CDC23: variants seen among roughly 807,000 people sequenced by gnomAD.
CDC23 encodes cell division cycle 23, also known as cell division cycle protein 23 homolog.
Under a neutral mutation model 81.7 loss-of-function variants are expected in CDC23, and 26 were observed. The observed-to-expected ratio is 0.32, with a 90% CI of 0.23 to 0.44. The LOEUF (loss-of-function observed/expected upper bound fraction) is 0.44. Ranked by LOEUF, CDC23 falls within the 20% of genes least tolerant of loss-of-function variation. The pLI is 1.00. For synonymous variants in CDC23, 267 were observed against 270.8 expected (o/e 0.99, Z 0.14); for missense variants, 519 against 728.0 (o/e 0.71, Z 3.30).
At chr5:138,204,126 T>C (rs1252805791) in intron 3 of CDC23, among the ~76,000 whole-genome samples, 1 of 152,214 alleles carries the variant, frequency 6.6e-6, no homozygotes, top group African/African-American at 2.4e-5. Context: ...AACAATTCCA[T>C]GTGTATGCAC....
At chr5:138,202,476 G>A (rs1434018758) in intron 3 of CDC23, among the ~76,000 whole-genome samples, 6 of 152,244 alleles carry the variant, frequency 3.9e-5, no homozygotes, top group African/African-American at 1.4e-4. Context: ...TTGCGACGAG[G>A]TTTCATCATG....
rs1053428725 is a variant in CDC23, at chr5:138,188,791, T to C, written c.*187A>G. On this transcript the variant is annotated 3_prime_UTR_variant, in exon 16 of 16. Transcript: ENST00000394886. ...GAAGTACTTCTAACTGGCAAGATAA[T>C]GTCTGTTCCTGCCAGGATTCTGTCA... 1.0e-5 allele frequency: 5 copies of C among 495,126 alleles called. No homozygotes were observed. The highest frequency in any genetic ancestry group is 3.3e-5 in the East Asian group (1 of 29,954). The allele number at this position is 495,126 out of a possible 1,614,324, so 30.7% of individuals were successfully genotyped here.
intron 9 of CDC23, among the ~76,000 whole-genome samples, chr5:138,197,802 A>G (rs1010673198): frequency 6.6e-6 from 1 of 152,150 alleles, no homozygotes; most frequent in Non-Finnish European, 1.5e-5. Flanking sequence ...GCCCCTACAC[A>G]TACATTTTTA....
intron 9 of CDC23, 41 bp downstream of exon 9, chr5:138,198,158 T>C (rs367777269): frequency 1.4e-6 from 2 of 1,409,582 alleles, no homozygotes; most frequent in African/African-American, 2.9e-5. Flanking sequence ...TTACTTATAA[T>C]AAATATAAAT....
chr5:138,196,890 C>CTTTT (rs34002952), intron 9 of CDC23, among the ~76,000 whole-genome samples: 6 of 113,418 alleles, frequency 5.3e-5, no homozygotes, highest in Non-Finnish European at 7.1e-5. Flanking sequence ...TTTTTTTTTC[C>CTTTT]TTTTTTTTTT....
At chr5:138,209,758 A>C (rs1755093090) in intron 2 of CDC23, among the ~76,000 whole-genome samples, 1 of 151,494 alleles carries the variant, frequency 6.6e-6, no homozygotes, top group Admixed American at 6.6e-5. Flanking sequence ...CAGGAGCCAG[A>C]GGTTGCAGTG....
In CDC23 at chr5:138,206,449, G is replaced by A. The variant is rs766063353; in HGVS notation, c.372+98C>T. ...TATGTATAAAGTACATTCATTCAGT[G>A]GCCCACTGCTAAGCTATTTAAAAGA... On this transcript the variant is annotated intron_variant, in intron 3 of 15. Transcript: ENST00000394886. The A allele has an allele frequency of 6.1e-6, 7 of 1,153,248 alleles. No homozygotes were observed. In the Admixed American group the frequency reaches 1.0e-4, roughly 17 times the overall value. The allele number at this position is 1,153,248 out of a possible 1,614,324, so 71.4% of individuals were successfully genotyped here.
intron 9 of CDC23, 81 bp downstream of exon 9, chr5:138,198,118 C>T: frequency 2.8e-6 from 3 of 1,067,666 alleles, no homozygotes. Flanking sequence ...CACCACCATC[C>T]CTAGCTAATT....
chr5:138,195,598 TTA>T (rs1283248779), intron 9 of CDC23, among the ~76,000 whole-genome samples: 4 of 77,542 alleles, frequency 5.2e-5, no homozygotes, highest in East Asian at 7.4e-4. Flanking sequence ...ATAATATATA[TTA>T]TATATGATAT....
At chr5:138,199,252 C>T (rs1206390884) in intron 6 of CDC23, among the ~76,000 whole-genome samples, 1 of 152,132 alleles carries the variant, frequency 6.6e-6, no homozygotes, top group Non-Finnish European at 1.5e-5. Context: ...TAGGGAACCA[C>T]TGCAAATATT....
chr5:138,192,052 T>C, intron 11 of CDC23, 115 bp from the exon 12 acceptor site: 1 of 969,300 alleles, frequency 1.0e-6, no homozygotes, highest in African/African-American at 1.6e-5. Flanking sequence ...TTTAACCTGA[T>C]GCTCCATATA....
At chr5:138,212,814 G>A (rs1755129372) in intron 2 of CDC23, among the ~76,000 whole-genome samples, 177 bp downstream of exon 2, 1 of 152,126 alleles carries the variant, frequency 6.6e-6, no homozygotes, top group South Asian at 2.1e-4. Context: ...GTCTTTCAAA[G>A]CTCAAGAAAA....
At position 138,192,581 on chromosome 5, in the gene CDC23, C is replaced by T. The variant is rs752323349; in HGVS notation, c.1089G>A (p.Arg363=). 19 of 1,613,972 alleles carry T rather than the reference C, an allele frequency of 1.2e-5. No homozygotes were observed. In the East Asian group the frequency reaches 4.2e-4, roughly 36 times the overall value. The change falls in exon 10 of 16, where the codon CGG becomes CGA. Residue 363 remains arginine, a synonymous_variant. Coordinates refer to ENST00000394886, the MANE Select transcript of CDC23 (RefSeq NM_004661.4). ...YFQRALKLNP[R]YLGAWTLMGH... ...CCATTAGTGTCCAGGCACCAAGATA[C>T]CGAGGATTTAATTTCAGGGCTCTCT...
At chr5:138,197,847 C>G (rs955619046) in intron 9 of CDC23, among the ~76,000 whole-genome samples, 7 of 152,204 alleles carry the variant, frequency 4.6e-5, no homozygotes, top group African/African-American at 1.4e-4. Flanking sequence ...GAATCATGTT[C>G]ACCAAACAAT....
chr5:138,202,047 T>G lies in CDC23; in HGVS notation c.415+66A>C, dbSNP rs1754995352. ...AGACCATTCATATTACCTGCCTGGC[T>G]GTTGGAGGCATTTAAGTTTGCAACC... On this transcript the variant is annotated intron_variant, in intron 4 of 15. Transcript: ENST00000394886. 4.5e-6 allele frequency: 5 copies of G among 1,101,126 alleles called. No individual in the cohort carries two copies. The East Asian group carries it at 1.2e-4, about 26-fold the overall frequency. The allele number at this position is 1,101,126 out of a possible 1,614,324, so 68.2% of individuals were successfully genotyped here.
rs1223835352 is a variant in CDC23 at position 138,196,872 on chromosome 5, G to A, written c.1012+1327C>T. ...TGGGATTACAGGTGTGAGCCACCGCGCCTGGCCTTTTTTTTTCCTTTTTTT... is the reference window on the plus strand; with the variant it reads ...TGGGATTACAGGTGTGAGCCACCGCACCTGGCCTTTTTTTTTCCTTTTTTT... On this transcript the variant is annotated intron_variant, in intron 9 of 15. Coordinates refer to ENST00000394886, the MANE Select transcript of CDC23 (RefSeq NM_004661.4). Among the ~76,000 whole-genome samples, 44 of 147,900 alleles carry A rather than the reference G, an allele frequency of 3.0e-4. 1 individual carries two copies. Among genetic ancestry groups the A allele is most frequent in the Non-Finnish European group, 1.2e-4 (8 of 67,464 alleles).
At chr5:138,209,162 C>T (rs992557338) in intron 2 of CDC23, among the ~76,000 whole-genome samples, 3 of 151,822 alleles carry the variant, frequency 2.0e-5, no homozygotes, top group Middle Eastern at 6.3e-3. Context: ...TGTGGTGGCT[C>T]ATGCCTGTAA....
Position 138,189,626 on chromosome 5 carries a change from TACTC to T in CDC23, c.1623+3_1623+6del, listed in dbSNP as rs1754803809. 4 of 1,609,698 alleles carry T rather than the reference TACTC, an allele frequency of 2.5e-6. No homozygotes were observed. The highest frequency in any genetic ancestry group is 3.4e-6 in the Non-Finnish European group (4 of 1,177,912). ...TTCAAACCTTTTATTAAAGAACTGA[TACTC>T]ACATCATTAAATGCACAACACTTTT... On this transcript the variant is annotated splice_donor_5th_base_variant and intron_variant, in intron 15 of 15. Transcript: ENST00000394886.
intron 2 of CDC23, among the ~76,000 whole-genome samples, chr5:138,209,955 T>G (rs1755095491): frequency 6.6e-6 from 1 of 151,834 alleles, no homozygotes; most frequent in Non-Finnish European, 1.5e-5. Context: ...ATGCATGTAA[T>G]CCCAGCACAG....
Sources: allele counts gnomAD v4.1 joint callset (sites outside exome capture counted in the v4.1 genomes callset), GRCh38; gene constraint gnomAD v4.1.1; transcripts MANE v1.5; gene names NCBI Gene and HGNC (gene_info 2026-07-23, HGNC 2026-07-21).